Variants in LRCOL1 observed in about 807,000 individuals in gnomAD.
The protein encoded by LRCOL1 is leucine rich colipase like 1.
In LRCOL1, 21 loss-of-function variants were observed where a neutral mutation model predicts 21.6. The ratio of observed to expected loss-of-function variants is 0.97; its 90% CI spans 0.69 to 1.40. The LOEUF (loss-of-function observed/expected upper bound fraction) is 1.40. Ranked by LOEUF, LRCOL1 falls within the 40% of genes most tolerant of loss-of-function variation. The pLI is 0.00. For synonymous variants in LRCOL1, 98 were observed against 90.1 expected (o/e 1.09, Z -0.49); for missense variants, 198 against 202.3 (o/e 0.98, Z 0.13).
At chr12:132,603,701 C>T in intron 5 of LRCOL1, 5 of 985,470 alleles carry the variant, frequency 5.1e-6, no homozygotes, top group Non-Finnish European at 6.0e-6. Flanking sequence ...CCTTTCACCC[C>T]AGACGGGAGC....
chr12:132,605,510 C>G (rs1414287660), intron 2 of LRCOL1, among the ~76,000 whole-genome samples: 1 of 152,206 alleles, frequency 6.6e-6, no homozygotes, highest in Non-Finnish European at 1.5e-5. Flanking sequence ...CGGTGGATCA[C>G]CTGAGGTCAG....
Position 132,604,741 on chromosome 12 carries a change from T to C in LRCOL1, c.196A>G (p.Lys66Glu), listed in dbSNP as rs1406149031. Residue 66 changes from lysine to glutamate, a missense_variant, in exon 3 of 6, where the codon AAG becomes GAG. Transcript: ENST00000376608. Reference protein sequence around the residue: ...SLAPHTLCTPKTIFLQCLPWR... With the variant: ...SLAPHTLCTPETIFLQCLPWR... ...GGCAGGCACTGCAGGAAGATGGTCTTAGGGGTGCAGAGCGTGTGTGGGGCC... is the reference window on the plus strand; with the variant it reads ...GGCAGGCACTGCAGGAAGATGGTCTCAGGGGTGCAGAGCGTGTGTGGGGCC... 1.3e-6 allele frequency: 2 copies of C among 1,536,076 alleles called. No homozygotes were observed. Among genetic ancestry groups the C allele is most frequent in the African/African-American group, 2.7e-5 (2 of 73,046 alleles).
chr12:132,608,810 T>A (rs2041343806), intron 1 of LRCOL1, among the ~76,000 whole-genome samples: 1 of 152,196 alleles, frequency 6.6e-6, no homozygotes, highest in African/African-American at 2.4e-5. Context: ...AAGCTTGCAG[T>A]ATCTTTCCTG....
At chr12:132,604,907 C>T in intron 2 of LRCOL1, 76 bp from the exon 3 acceptor site, 1 of 1,502,336 alleles carries the variant, frequency 6.7e-7, no homozygotes, top group Non-Finnish European at 8.9e-7. Context: ...AAAGGCCTGC[C>T]CTCTCCTTGG....
At position 132,606,014 on chromosome 12, in the gene LRCOL1, G is replaced by T; in HGVS notation, c.105+133C>A. 1.3e-6 allele frequency: 1 copy of T among 777,488 alleles called. No individual in the cohort carries two copies. The highest frequency in any genetic ancestry group is 2.0e-6 in the Non-Finnish European group (1 of 492,674). The allele number at this position is 777,488 out of a possible 1,614,324, so 48.2% of individuals were successfully genotyped here. On this transcript the variant is annotated intron_variant, in intron 2 of 5. Coordinates refer to ENST00000376608, the MANE Select transcript of LRCOL1 (RefSeq NM_001195520.2). The surrounding 1 kb of genome is among the most constrained non-coding windows in gnomAD (Gnocchi z 4.6). The stretch of plus-strand genomic sequence containing the variant: ...GGTTTCATCCAGGAAGGCGCTTTGT[G>T]TCCCTTTGAGACCCTCCTGACGGAA...
intron 1 of LRCOL1, among the ~76,000 whole-genome samples, chr12:132,607,797 GTC>G (rs2041329519): frequency 9.2e-6 from 1 of 109,112 alleles, no homozygotes; most frequent in South Asian, 3.2e-4. Context: ...CCCTCTCTCT[GTC>G]TCTGTCTCCC....
At chr12:132,605,002 G>A in intron 2 of LRCOL1, 171 bp from the exon 3 acceptor site, 1 of 1,433,618 alleles carries the variant, frequency 7.0e-7, no homozygotes, top group Non-Finnish European at 9.1e-7. Context: ...TGGCAGGTCA[G>A]TGCTGGGGGC....
intron 2 of LRCOL1, chr12:132,605,909 G>A (rs766373271): frequency 1.7e-5 from 9 of 531,530 alleles, no homozygotes; most frequent in Non-Finnish European, 3.0e-5. Flanking sequence ...TGGTGCTGGG[G>A]TCGCCGTCCC....
chr12:132,603,237 C>G lies in LRCOL1; in HGVS notation c.*165G>C, dbSNP rs2041247439. The G allele has an allele frequency of 9.4e-7, 1 of 1,059,000 alleles. No individual in the cohort carries two copies. The highest frequency in any genetic ancestry group is 2.6e-5 in the East Asian group (1 of 38,068). The allele number at this position is 1,059,000 out of a possible 1,614,324, so 65.6% of individuals were successfully genotyped here. A position where few individuals can be genotyped will look rare whatever the true frequency, so the allele number is the denominator to read the frequency against. On this transcript the variant is annotated 3_prime_UTR_variant, in exon 6 of 6. Transcript: ENST00000376608. ...TTGTTCTCACAGACACTTCGCGCCA[C>G]CAGGCTGGTCACAGCCTTTCAGTTC...
chr12:132,605,257 C>T (rs2041290935), intron 2 of LRCOL1: 1 of 384,998 alleles, frequency 2.6e-6, no homozygotes, highest in South Asian at 1.1e-4. Context: ...ACCCCCCACC[C>T]ACACACACGC....
chr12:132,603,943 G>T, intron 5 of LRCOL1: 1 of 1,248,020 alleles, frequency 8.0e-7, no homozygotes, highest in South Asian at 2.2e-5. Flanking sequence ...GCCTGAAGAC[G>T]TCCAACCCCA....
At chr12:132,603,606 C>G (rs891149082) in intron 5 of LRCOL1, 1 of 983,966 alleles carries the variant, frequency 1.0e-6, no homozygotes, top group African/African-American at 1.8e-5. Context: ...CTGCTCCCAG[C>G]GCCCACGAGG....
chr12:132,605,362 CTG>C (rs1315172487), intron 2 of LRCOL1, among the ~76,000 whole-genome samples: 1 of 152,220 alleles, frequency 6.6e-6, no homozygotes, highest in African/African-American at 2.4e-5. Context: ...CACCCTAAAA[CTG>C]AGAGAATTTT....
At chr12:132,608,419 G>T (rs2041339085) in intron 1 of LRCOL1, among the ~76,000 whole-genome samples, 1 of 152,206 alleles carries the variant, frequency 6.6e-6, no homozygotes, top group Non-Finnish European at 1.5e-5. Flanking sequence ...GAAGTCAAAG[G>T]TCAAAGGTCT....
chr12:132,606,289 G>A lies in LRCOL1; in HGVS notation c.-13-25C>T. The A allele has an allele frequency of 6.5e-7, 1 of 1,531,860 alleles. No individual in the cohort carries two copies. The highest frequency in any genetic ancestry group is 1.8e-4 in the Middle Eastern group (1 of 5,610). 94.9% of individuals were successfully genotyped at this position (1,531,860 alleles called of 1,614,324 possible). On this transcript the variant is annotated intron_variant, in intron 1 of 5. Transcript: ENST00000376608. The surrounding 1 kb of genome is among the most constrained non-coding windows in gnomAD (Gnocchi z 4.6). ...CCTGCAGAGACCCAGGATTGTGTGG[G>A]AGTGTGTCCACGCCAGCCTTGTCCT... is the stretch of plus-strand genomic sequence containing the variant.
chr12:132,605,707 C>T (rs914633442), intron 2 of LRCOL1: 6 of 154,000 alleles, frequency 3.9e-5, no homozygotes, highest in Non-Finnish European at 7.1e-5. Flanking sequence ...CCAGCCTGGG[C>T]GACAGAGCGA....
chr12:132,603,942 CG>C, intron 5 of LRCOL1: 4 of 1,245,914 alleles, frequency 3.2e-6, no homozygotes, highest in Non-Finnish European at 4.0e-6. Context: ...GGCCTGAAGA[CG>C]TCCAACCCCA....
In LRCOL1 at chr12:132,608,277, C is replaced by A. The variant is rs187392569; in HGVS notation, c.-13-2013G>T. ...AGCTGAGCCCCGGCAGTGGCCTCCC[C>A]ACGTGATCAGTCCCCGCACCCACAC... On this transcript the variant is annotated intron_variant, in intron 1 of 5. Transcript: ENST00000376608. Among the ~76,000 whole-genome samples, 13 of 152,310 alleles carry A rather than the reference C, an allele frequency of 8.5e-5. No individual in the cohort carries two copies. In the East Asian group the frequency reaches 2.5e-3, roughly 29 times the overall value.
chr12:132,607,745 G>A (rs1267648271), intron 1 of LRCOL1, among the ~76,000 whole-genome samples: 6 of 138,934 alleles, frequency 4.3e-5, no homozygotes, highest in East Asian at 4.2e-4. Flanking sequence ...CCCTCTCTCC[G>A]TCTCTGTCTC....
Sources: allele counts gnomAD v4.1 joint callset (sites outside exome capture counted in the v4.1 genomes callset), GRCh38; gene constraint gnomAD v4.1.1; non-coding constraint Gnocchi (gnomAD v3.1); transcripts MANE v1.5; gene names NCBI Gene and HGNC (gene_info 2026-07-23, HGNC 2026-07-21).